The following KCNK10 variants were observed in gnomAD, a reference collection of about 807,000 sequenced individuals.
KCNK10 encodes the protein potassium two pore domain channel subfamily K member 10.
A neutral mutation model predicts 47.7 loss-of-function variants in KCNK10; 25 were observed. That is an observed-to-expected ratio of 0.52 (90% CI 0.38 to 0.73). The LOEUF (loss-of-function observed/expected upper bound fraction) is 0.73. Among genes scored for constraint, KCNK10 ranks in the 30% least tolerant of loss-of-function variants. The pLI is 0.00. For synonymous variants in KCNK10, 303 were observed against 285.6 expected, an observed-to-expected ratio of 1.06 and a Z score of -0.61; for missense variants, 563 against 714.5, an observed-to-expected ratio of 0.79 and a Z score of 2.42.
chr14:88,248,120 G>A (rs1886693766), intron 2 of KCNK10, among the ~76,000 whole-genome samples: 1 of 152,202 alleles, frequency 6.6e-6, no homozygotes, highest in African/African-American at 2.4e-5. Context: ...CCTGAGGAGA[G>A]TGTCTGATAT....
At chr14:88,305,617 C>A (rs1320615777) in intron 1 of KCNK10, among the ~76,000 whole-genome samples, 1 of 152,126 alleles carries the variant, frequency 6.6e-6, no homozygotes, top group Non-Finnish European at 1.5e-5. Context: ...CTGATTGGGG[C>A]AAAAGGCAGA....
intron 1 of KCNK10, among the ~76,000 whole-genome samples, chr14:88,291,917 C>T (rs899181938): frequency 6.6e-6 from 1 of 152,128 alleles, no homozygotes; most frequent in African/African-American, 2.4e-5. Context: ...AAAAAGCCTT[C>T]CCCAAGAAGT....
At position 88,263,444 on chromosome 14, in the gene KCNK10, C is replaced by T. The variant is rs767525390; in HGVS notation, c.160G>A (p.Ala54Thr). 1.9e-6 allele frequency: 3 copies of T among 1,614,150 alleles called. No individual in the cohort carries two copies. The highest frequency in any genetic ancestry group is 2.5e-6 in the Non-Finnish European group (3 of 1,180,042). The change falls in exon 2 of 7, where the codon GCC becomes ACC. Residue 54 changes from alanine to threonine, a missense_variant. Ala to Thr is a moderately conservative substitution (Grantham distance 58). Coordinates refer to ENST00000319231, the MANE Select transcript of KCNK10 (RefSeq NM_138317.3). ...PTPRLSISSR[A>T]TVVARMEGTS... ...CCTTCCATCCTGGCTACCACTGTGG[C>T]TCGGGAGGAAATGGACAGGCGCGGA...
Position 88,310,169 on chromosome 14 carries a change from C to G in KCNK10, c.52+12578G>C, listed in dbSNP as rs28526336. On this transcript the variant is annotated intron_variant, in intron 1 of 6. Transcript: ENST00000319231. Reference sequence around the variant, plus strand: ...TCCATATCTCTCTCATATACCATATCATATGGTATATGATATACCATATCA... The same window carrying G: ...TCCATATCTCTCTCATATACCATATGATATGGTATATGATATACCATATCA... Among the ~76,000 whole-genome samples the G allele has an allele frequency of 3.9e-3, 410 of 103,978 alleles. 14 individuals are homozygous for G. The highest frequency in any genetic ancestry group is 0.017 in the African/African-American group (392 of 22,656). 68.2% of individuals were successfully genotyped at this position (103,978 alleles called of 152,430 possible).
intron 5 of KCNK10, among the ~76,000 whole-genome samples, chr14:88,190,277 C>T (rs1414858583): frequency 6.6e-6 from 1 of 152,190 alleles, no homozygotes; most frequent in African/African-American, 2.4e-5. Flanking sequence ...CCAGTGCTAT[C>T]CCAGAGAGCT....
At chr14:88,305,822 C>G (rs1888192892) in intron 1 of KCNK10, among the ~76,000 whole-genome samples, 2 of 152,202 alleles carry the variant, frequency 1.3e-5, no homozygotes, top group South Asian at 2.1e-4. Flanking sequence ...TAACTAGCTA[C>G]TGCTGTCGCC....
At chr14:88,295,836 T>C (rs1321058185) in intron 1 of KCNK10, among the ~76,000 whole-genome samples, 1 of 152,152 alleles carries the variant, frequency 6.6e-6, no homozygotes, top group African/African-American at 2.4e-5. Flanking sequence ...ATTCAGCAAG[T>C]TCCTCTTGAG....
Position 88,323,256 on chromosome 14 carries a change from C to T in KCNK10, c.-458G>A. ...CACACACACACCCGCACACACACTC[C>T]CGGGCGCGCGCTTGGGCGGGCACGT... On this transcript the variant is annotated 5_prime_UTR_variant, in exon 1 of 7. Transcript: ENST00000319231. The T allele has an allele frequency of 4.1e-6, 4 of 987,042 alleles. No homozygotes were observed. Among genetic ancestry groups the T allele is most frequent in the Non-Finnish European group, 4.8e-6 (4 of 831,224 alleles). The allele number at this position is 987,042 out of a possible 1,614,324, so 61.1% of individuals were successfully genotyped here.
At chr14:88,271,560 G>C (rs113611463) in intron 1 of KCNK10, among the ~76,000 whole-genome samples, 1 of 152,128 alleles carries the variant, frequency 6.6e-6, no homozygotes, top group Non-Finnish European at 1.5e-5. Context: ...GGCCTTTCTT[G>C]TTCCTTCATG....
At chr14:88,247,470 A>T (rs987218718) in intron 2 of KCNK10, among the ~76,000 whole-genome samples, 1 of 152,212 alleles carries the variant, frequency 6.6e-6, no homozygotes, top group African/African-American at 2.4e-5. Flanking sequence ...TGGATATTAC[A>T]ATGACGTGTA....
intron 1 of KCNK10, among the ~76,000 whole-genome samples, chr14:88,274,476 GGGA>G (rs749925370): frequency 2.6e-4 from 36 of 138,462 alleles, no homozygotes; most frequent in Middle Eastern, 7.6e-3. Context: ...CAGGAGAATT[GGGA>G]GGAGGAGGTT....
intron 1 of KCNK10, among the ~76,000 whole-genome samples, chr14:88,268,707 G>A (rs192153253): frequency 2.0e-5 from 3 of 152,110 alleles, no homozygotes; most frequent in East Asian, 1.9e-4. Flanking sequence ...CCTACAAAAC[G>A]TATCAATAAT....
At chr14:88,288,270 G>A (rs891044092) in intron 1 of KCNK10, among the ~76,000 whole-genome samples, 1 of 152,116 alleles carries the variant, frequency 6.6e-6, no homozygotes, top group Non-Finnish European at 1.5e-5. Context: ...TGTCCAAGTA[G>A]CACATTGAAC....
rs115915897 is a variant in KCNK10 at position 88,186,245 on chromosome 14, G to A, written c.1012-90C>T. On this transcript the variant is annotated intron_variant, in intron 6 of 6. Transcript: ENST00000319231. This position sits in a 1 kb window ranked among gnomAD's most constrained non-coding sequence, Gnocchi z 5.5. ...CCCACAGCCCTCGGGTGTCCCCACG[G>A]GGAGGCCAGGAGGTGACGGAGCACA... is the stretch of plus-strand genomic sequence containing the variant. The A allele has an allele frequency of 3.9e-3, 5,588 of 1,435,928 alleles. 152 individuals carry two copies. The African/African-American group carries it at 0.067, about 17-fold the overall frequency. 88.9% of individuals were successfully genotyped at this position (1,435,928 alleles called of 1,614,324 possible). A position where few individuals can be genotyped will look rare whatever the true frequency, so the allele number is the denominator to read the frequency against.
At chr14:88,250,987 C>A (rs1450410084) in intron 2 of KCNK10, among the ~76,000 whole-genome samples, 3 of 152,130 alleles carry the variant, frequency 2.0e-5, no homozygotes, top group African/African-American at 7.2e-5. Context: ...GTAATCCCAG[C>A]ACTTTGGGAG....
rs116306478 is a variant in KCNK10 at position 88,313,778 on chromosome 14, T to C, written c.52+8969A>G. ...ACTTATGAGATAATAAATGTTTATATTGATTTAAGCCACTAAATGTTGGGG... is the reference window on the plus strand; with the variant it reads ...ACTTATGAGATAATAAATGTTTATACTGATTTAAGCCACTAAATGTTGGGG... On this transcript the variant is annotated intron_variant, in intron 1 of 6. Transcript: ENST00000319231. Among the ~76,000 whole-genome samples, 755 of 152,326 alleles carry C rather than the reference T, an allele frequency of 5.0e-3. 2 individuals carry two copies. Among genetic ancestry groups the C allele is most frequent in the African/African-American group, 0.017 (715 of 41,574 alleles).
chr14:88,264,238 T>C (rs988410606), intron 1 of KCNK10, among the ~76,000 whole-genome samples: 14 of 152,212 alleles, frequency 9.2e-5, no homozygotes, highest in Admixed American at 7.9e-4. Flanking sequence ...CTGTTCTCTG[T>C]AGGGCAATTT....
upstream of KCNK10, chr14:88,323,652 C>T (rs1012845719): frequency 5.0e-4 from 75 of 150,730 alleles, 2 homozygotes; most frequent in African/African-American, 1.7e-3. Flanking sequence ...CTTACTGGCT[C>T]GGCCGGCCGG....
In KCNK10 at chr14:88,188,073, T is replaced by C; in HGVS notation, c.905A>G (p.Lys302Arg). The C allele has an allele frequency of 6.2e-7, 1 of 1,614,216 alleles. No homozygotes were observed. Among genetic ancestry groups the C allele is most frequent in the Non-Finnish European group, 8.5e-7 (1 of 1,180,038 alleles). ...NAGINYREWY[K>R]PLVWFWILVG... ...AAGGATCCAAAACCACACTAGGGGC[T>C]TATACCACTCCCGATAATTGATGCC... The change falls in exon 6 of 7, where the codon AAG becomes AGG. Residue 302 changes from lysine to arginine, a missense_variant. Transcript: ENST00000319231.
Sources: allele counts gnomAD v4.1 joint callset (sites outside exome capture counted in the v4.1 genomes callset), GRCh38; gene constraint gnomAD v4.1.1; non-coding constraint Gnocchi (gnomAD v3.1); transcripts MANE v1.5; gene names NCBI Gene and HGNC (gene_info 2026-07-23, HGNC 2026-07-21).